ASPH: variants seen among roughly 807,000 people sequenced by gnomAD.
ASPH encodes aspartyl/asparaginyl beta-hydroxylase.
A neutral mutation model predicts 118.4 loss-of-function variants in ASPH; 100 were observed. That is an observed-to-expected ratio of 0.84 (90% CI 0.72 to 1.00). ASPH has a LOEUF of 1.00. ASPH is among the 50% of genes least tolerant of loss of function. The pLI is 0.00. For synonymous variants in ASPH, 315 were observed against 325.6 expected, an observed-to-expected ratio of 0.97 and a Z score of 0.35; for missense variants, 920 against 919.5, an observed-to-expected ratio of 1.00 and a Z score of -0.01.
intron 14 of ASPH, 123 bp downstream of exon 14, chr8:61,618,852 TAAC>T (rs752791503): frequency 1.3e-5 from 10 of 767,986 alleles, no homozygotes; most frequent in East Asian, 5.7e-5. Context: ...ATCATTGAAA[TAAC>T]AAACCCAGGA....
At chr8:61,524,621 A>ATTC (rs1814533945) in intron 22 of ASPH, among the ~76,000 whole-genome samples, 1 of 152,236 alleles carries the variant, frequency 6.6e-6, no homozygotes, top group African/African-American at 2.4e-5. Context: ...AATCAGGTAT[A>ATTC]TTCCACCTAT....
chr8:61,689,278 T>C (rs1270004284), intron 1 of ASPH, among the ~76,000 whole-genome samples: 2 of 152,172 alleles, frequency 1.3e-5, no homozygotes, highest in African/African-American at 2.4e-5. Flanking sequence ...CAGGTAAGTC[T>C]GTTCATTAAT....
intron 24 of ASPH, 82 bp from the exon 25 acceptor site, chr8:61,503,591 A>T: frequency 7.3e-7 from 1 of 1,376,390 alleles, no homozygotes; most frequent in South Asian, 1.5e-5. Flanking sequence ...CATGTGCGAG[A>T]ACTACCTTTG....
At chr8:61,654,569 C>T (rs1022352726) in intron 3 of ASPH, among the ~76,000 whole-genome samples, 1 of 152,166 alleles carries the variant, frequency 6.6e-6, no homozygotes, top group Non-Finnish European at 1.5e-5. Context: ...CATGTATGCA[C>T]ACTAATGTGG....
intron 3 of ASPH, among the ~76,000 whole-genome samples, chr8:61,678,978 C>T (rs540424780): frequency 6.6e-6 from 1 of 152,220 alleles, no homozygotes; most frequent in South Asian, 2.1e-4. Flanking sequence ...TTGCAGTAAC[C>T]TTCCAGTAAC....
intron 3 of ASPH, chr8:61,675,284 A>C (rs989289317): frequency 7.4e-5 from 67 of 902,736 alleles, no homozygotes; most frequent in Non-Finnish European, 8.6e-5. Flanking sequence ...TTTAATATGT[A>C]CAACATTAAG....
intron 5 of ASPH, among the ~76,000 whole-genome samples, chr8:61,650,095 T>C (rs1274236827): frequency 6.6e-6 from 1 of 152,112 alleles, no homozygotes; most frequent in Non-Finnish European, 1.5e-5. Context: ...TGACAGCACT[T>C]ACCCCATTAT....
Position 61,562,889 on chromosome 8 carries a change from G to A in ASPH, c.1301-9C>T. Reference sequence around the variant, plus strand: ...GGAACCTCTCATATGACCTGAGTAGGTGGGAATTTAAAAAAAATAGAAATA... The same window carrying A: ...GGAACCTCTCATATGACCTGAGTAGATGGGAATTTAAAAAAAATAGAAATA... On this transcript the variant is annotated splice_polypyrimidine_tract_variant and intron_variant, in intron 17 of 24. Coordinates refer to ENST00000379454, the MANE Select transcript of ASPH (RefSeq NM_004318.4). 1 of 1,562,870 alleles carries A rather than the reference G, an allele frequency of 6.4e-7. No individual in the cohort carries two copies. Among genetic ancestry groups the A allele is most frequent in the South Asian group, 1.2e-5 (1 of 82,184 alleles).
At chr8:61,565,572 C>A (rs1288545103) in intron 17 of ASPH, among the ~76,000 whole-genome samples, 1 of 152,054 alleles carries the variant, frequency 6.6e-6, no homozygotes, top group Non-Finnish European at 1.5e-5. Context: ...GATGAAGTAG[C>A]AAGTGCTAAT....
chr8:61,544,985 G>A (rs946765129), intron 21 of ASPH, among the ~76,000 whole-genome samples: 1 of 152,144 alleles, frequency 6.6e-6, no homozygotes, highest in Non-Finnish European at 1.5e-5. Flanking sequence ...TAAAGAAAGA[G>A]TCCTCCAGGA....
intron 13 of ASPH, among the ~76,000 whole-genome samples, chr8:61,620,483 C>CT (rs765635863): frequency 2.5e-3 from 359 of 141,826 alleles, no homozygotes; most frequent in Middle Eastern, 0.011. Context: ...TAATGCAGGA[C>CT]TTTTTTTTTT....
intron 3 of ASPH, among the ~76,000 whole-genome samples, chr8:61,671,431 A>G (rs759739958): frequency 1.6e-4 from 25 of 152,240 alleles, no homozygotes; most frequent in Non-Finnish European, 2.8e-4. Context: ...TAGGAAGAAA[A>G]TTCTATCAAT....
chr8:61,614,645 T>TTTG (rs565000530), intron 14 of ASPH, among the ~76,000 whole-genome samples: 225 of 151,776 alleles, frequency 1.5e-3, no homozygotes, highest in African/African-American at 4.0e-3. Flanking sequence ...GTGTTGGGTT[T>TTTG]TTGTTGTTGT....
chr8:61,604,555 TACTGTC>T (rs1845025803), intron 14 of ASPH, among the ~76,000 whole-genome samples: 1 of 152,246 alleles, frequency 6.6e-6, no homozygotes, highest in Non-Finnish European at 1.5e-5. Context: ...CTACTGAGCA[TACTGTC>T]ACTTAGAAGG....
At chr8:61,533,598 T>A (rs111475098) in intron 21 of ASPH, among the ~76,000 whole-genome samples, 8 of 152,272 alleles carry the variant, frequency 5.3e-5, no homozygotes, top group African/African-American at 1.9e-4. Context: ...CCATGTTGGG[T>A]GCATTGTCAA....
chr8:61,659,106 A>G (rs777986451), intron 3 of ASPH: 2 of 152,318 alleles, frequency 1.3e-5, no homozygotes, highest in Non-Finnish European at 2.9e-5. Flanking sequence ...GCAGGAGCAC[A>G]TTCAGGAGCA....
At chr8:61,571,510 T>C (rs1222770801) in intron 16 of ASPH, among the ~76,000 whole-genome samples, 1 of 152,210 alleles carries the variant, frequency 6.6e-6, no homozygotes, top group Non-Finnish European at 1.5e-5. Flanking sequence ...GTAACTTCTA[T>C]GTAAATAGTT....
chr8:61,664,615 G>A (rs1818563639), intron 3 of ASPH: 6 of 986,644 alleles, frequency 6.1e-6, no homozygotes, highest in Non-Finnish European at 7.2e-6. Context: ...GTGAGGTGAG[G>A]AGTGAAGGAA....
chr8:61,682,539 T>A, intron 2 of ASPH: 1 of 1,469,784 alleles, frequency 6.8e-7, no homozygotes, highest in Non-Finnish European at 9.5e-7. Context: ...TACAAATACT[T>A]AAAGTGTCCT....
Sources: allele counts gnomAD v4.1 joint callset (sites outside exome capture counted in the v4.1 genomes callset), GRCh38; gene constraint gnomAD v4.1.1; transcripts MANE v1.5; gene names NCBI Gene and HGNC (gene_info 2026-07-23, HGNC 2026-07-21).